Variants in KALRN observed in about 807,000 individuals in gnomAD.
The protein encoded by KALRN is kalirin.
KALRN carries 70 observed loss-of-function variants against 353.7 expected under a neutral mutation model. The observed-to-expected ratio is 0.20, with a 90% CI of 0.16 to 0.24. The LOEUF is 0.24. Ranked by LOEUF, KALRN falls within the 10% of genes least tolerant of loss-of-function variation. KALRN has a pLI of 1.00. For synonymous variants in KALRN, 1,391 were observed against 1,434.8 expected, an observed-to-expected ratio of 0.97 and a Z score of 0.69; for missense variants, 2,791 against 3,756.7, an observed-to-expected ratio of 0.74 and a Z score of 6.72.
chr3:124,632,279 G>A, intron 34 of KALRN, 141 bp from the exon 35 acceptor site: 1 of 720,920 alleles, frequency 1.4e-6, no homozygotes, highest in Non-Finnish European at 2.4e-6. Flanking sequence ...TTGTTGAGAG[G>A]GTTCTCTGGA....
At chr3:124,677,885 A>C (rs749078740) in intron 49 of KALRN, among the ~76,000 whole-genome samples, 2 of 152,210 alleles carry the variant, frequency 1.3e-5, no homozygotes, top group Non-Finnish European at 2.9e-5. Context: ...CCTGTGAGGC[A>C]TCATGGGTAT....
chr3:124,422,124 G>A (rs1314961299), intron 14 of KALRN, among the ~76,000 whole-genome samples: 3 of 152,166 alleles, frequency 2.0e-5, no homozygotes, highest in African/African-American at 7.2e-5. Context: ...AAATGGATAA[G>A]CACTCATTAT....
At chr3:124,302,469 T>C (rs2077341825) in intron 6 of KALRN, among the ~76,000 whole-genome samples, 1 of 152,218 alleles carries the variant, frequency 6.6e-6, no homozygotes, top group Non-Finnish European at 1.5e-5. Context: ...TGAATTGAAG[T>C]AACTCTATAA....
chr3:124,339,004 C>T (rs181397739), intron 9 of KALRN, among the ~76,000 whole-genome samples: 293 of 152,204 alleles, frequency 1.9e-3, no homozygotes, highest in South Asian at 5.8e-3. Context: ...ATTATCAGGC[C>T]GTGTTCTACA....
intron 21 of KALRN, among the ~76,000 whole-genome samples, chr3:124,447,740 A>G (rs1391136333): frequency 6.6e-6 from 1 of 152,156 alleles, no homozygotes; most frequent in Admixed American, 6.5e-5. Context: ...TGGTGTGACA[A>G]ATTAGGCCCT....
intron 1 of KALRN, among the ~76,000 whole-genome samples, chr3:124,055,111 T>C (rs1430895450): frequency 6.6e-6 from 1 of 152,258 alleles, no homozygotes; most frequent in Non-Finnish European, 1.5e-5. Context: ...TGGATTCCAT[T>C]TGCCAAAAGC....
intron 33 of KALRN, among the ~76,000 whole-genome samples, chr3:124,545,741 G>A (rs2069559316): frequency 6.6e-6 from 1 of 152,168 alleles, no homozygotes; most frequent in Admixed American, 6.5e-5. Context: ...CATTAAGGAA[G>A]GTATGGGATG....
At chr3:124,534,880 C>T (rs1186479142) in intron 33 of KALRN, among the ~76,000 whole-genome samples, 1 of 152,084 alleles carries the variant, frequency 6.6e-6, no homozygotes, top group East Asian at 1.9e-4. Context: ...AGACAATAAA[C>T]AAACCAAGCG....
intron 45 of KALRN, among the ~76,000 whole-genome samples, chr3:124,662,616 T>C (rs2085040980): frequency 1.3e-5 from 2 of 152,204 alleles, no homozygotes; most frequent in Admixed American, 6.5e-5. Context: ...GTTAAAACTC[T>C]AAAACATTAC....
intron 1 of KALRN, among the ~76,000 whole-genome samples, chr3:124,062,035 C>T (rs1049814906): frequency 7.9e-5 from 12 of 152,020 alleles, no homozygotes; most frequent in Non-Finnish European, 1.8e-4. Flanking sequence ...GATCTCAGGC[C>T]CCCTCCTTGC....
At chr3:124,111,607 G>A (rs1447739284) in intron 1 of KALRN, among the ~76,000 whole-genome samples, 1 of 152,174 alleles carries the variant, frequency 6.6e-6, no homozygotes, top group African/African-American at 2.4e-5. Flanking sequence ...AGATTAAGAA[G>A]CATAGTCATG....
At chr3:124,362,282 T>C (rs2084139446) in intron 10 of KALRN, among the ~76,000 whole-genome samples, 1 of 152,232 alleles carries the variant, frequency 6.6e-6, no homozygotes, top group Non-Finnish European at 1.5e-5. Flanking sequence ...GGAGGCATTT[T>C]CATAAACCAA....
chr3:124,235,048 T>C, intron 3 of KALRN, 105 bp downstream of exon 3: 1 of 738,718 alleles, frequency 1.4e-6, no homozygotes, highest in Non-Finnish European at 2.3e-6. Flanking sequence ...TGGTTTCTGC[T>C]CTTCCAGTGG....
intron 1 of KALRN, among the ~76,000 whole-genome samples, chr3:124,155,656 T>C (rs186464938): frequency 6.6e-6 from 1 of 152,370 alleles, no homozygotes; most frequent in African/African-American, 2.4e-5. Flanking sequence ...AGTGGAACCA[T>C]ATGAAATGGA....
chr3:124,222,131 A>G (rs2077986244), intron 1 of KALRN, among the ~76,000 whole-genome samples: 1 of 152,098 alleles, frequency 6.6e-6, no homozygotes, highest in Non-Finnish European at 1.5e-5. Context: ...GTAGTTAGAG[A>G]AGGTAGGGCT....
chr3:124,413,432 C>G (rs1339923845), intron 13 of KALRN, 38 bp from the exon 14 acceptor site: 10 of 1,565,162 alleles, frequency 6.4e-6, no homozygotes, highest in Non-Finnish European at 8.8e-6. Flanking sequence ...TCTCGTGGAC[C>G]TGGTGAGCCT....
At chr3:124,250,802 C>A (rs1345549314) in intron 3 of KALRN, among the ~76,000 whole-genome samples, 1 of 151,798 alleles carries the variant, frequency 6.6e-6, no homozygotes, top group Non-Finnish European at 1.5e-5. Flanking sequence ...CCCTGTAGTG[C>A]TTTGGTTTCC....
In KALRN at chr3:124,263,713, A is replaced by G. The variant is rs1350702227; in HGVS notation, c.264-785A>G. Reference sequence around the variant, plus strand: ...TCTCTCATCAACTGGCAGAATCAACATAGAGCCTTTTTTTGAAAAAGTATT... The same window carrying G: ...TCTCTCATCAACTGGCAGAATCAACGTAGAGCCTTTTTTTGAAAAAGTATT... On this transcript the variant is annotated intron_variant, in intron 3 of 59. Coordinates refer to ENST00000682506, the MANE Select transcript of KALRN (RefSeq NM_001388419.1). 3.3e-5 allele frequency among the ~76,000 whole-genome samples: 5 copies of G among 152,250 alleles called. No individual in the cohort carries two copies. In the East Asian group the frequency reaches 7.7e-4, roughly 23 times the overall value.
intron 25 of KALRN, among the ~76,000 whole-genome samples, chr3:124,471,990 T>G (rs1213305226): frequency 7.3e-6 from 1 of 137,408 alleles, no homozygotes; most frequent in African/African-American, 2.6e-5. Context: ...AAAAACAACC[T>G]TCATTTTACA....
Sources: allele counts gnomAD v4.1 joint callset (sites outside exome capture counted in the v4.1 genomes callset), GRCh38; gene constraint gnomAD v4.1.1; transcripts MANE v1.5; gene names NCBI Gene and HGNC (gene_info 2026-07-23, HGNC 2026-07-21).